The following DEFB110 variants were observed in gnomAD, a reference collection of about 807,000 sequenced individuals.
DEFB110 encodes beta-defensin 110.
DEFB110 carries 4 observed loss-of-function variants against 2.5 expected under a neutral mutation model. The observed-to-expected ratio is 1.60, with a 90% confidence interval of 0.79 to 3.66. DEFB110 has a LOEUF of 3.66. Ranked by LOEUF, DEFB110 falls within the 30% of genes most tolerant of loss-of-function variation. The pLI, the probability that DEFB110 is intolerant of heterozygous loss-of-function variation, is 0.01. For missense variants in DEFB110, 94 were observed against 75.4 expected, an observed-to-expected ratio of 1.25 and a Z score of -0.91; for synonymous variants, 29 against 21.8, an observed-to-expected ratio of 1.33 and a Z score of -0.92.
chr6:50,017,777 C>T (rs1451709183), downstream of DEFB110, among the ~76,000 whole-genome samples: 1 of 151,656 alleles, frequency 6.6e-6, no homozygotes, highest in Non-Finnish European at 1.5e-5. Flanking sequence ...AATCTCATAT[C>T]TGCATTTGAA....
intron 1 of DEFB110, among the ~76,000 whole-genome samples, chr6:50,012,806 G>T (rs1317281706): frequency 6.6e-6 from 1 of 151,882 alleles, no homozygotes; most frequent in South Asian, 2.1e-4. Context: ...TCCTGTGATA[G>T]GTGGGGACAA....
intron 1 of DEFB110, among the ~76,000 whole-genome samples, chr6:50,010,526 T>A (rs1311455937): frequency 6.7e-6 from 1 of 148,158 alleles, no homozygotes; most frequent in African/African-American, 2.5e-5. Context: ...AACATGTTAA[T>A]ATATATATAT....
chr6:50,018,564 G>T (rs1220534082), downstream of DEFB110, among the ~76,000 whole-genome samples: 2 of 151,878 alleles, frequency 1.3e-5, no homozygotes, highest in African/African-American at 2.4e-5. Flanking sequence ...TTACGTGGGG[G>T]TAATCTGTGG....
chr6:50,019,600 G>T (rs1483128490), intron 1 of DEFB110, among the ~76,000 whole-genome samples: 1 of 151,906 alleles, frequency 6.6e-6, no homozygotes, highest in Non-Finnish European at 1.5e-5. Flanking sequence ...CTAAATTCCT[G>T]CAACTCCCCT....
intron 1 of DEFB110, among the ~76,000 whole-genome samples, chr6:50,013,125 TC>T (rs1487971446): frequency 6.6e-6 from 1 of 151,808 alleles, no homozygotes; most frequent in African/African-American, 2.4e-5. Flanking sequence ...CAATAACTCT[TC>T]CCATTTCATA....
At chr6:50,014,801 C>G (rs1367917795), downstream of DEFB110, among the ~76,000 whole-genome samples, 1 of 151,744 alleles carries the variant, frequency 6.6e-6, no homozygotes, top group East Asian at 1.9e-4. Flanking sequence ...ACCTGCCAAT[C>G]AGCAACTGCA....
rs181963735 is a variant in DEFB110 at position 50,011,134 on chromosome 6, G to A, written c.56-1863C>T. ...TTATGAATGAAAATAACATCCCTTT[G>A]TATTGTTATGAAAATTGATACGTAT... is the stretch of plus-strand genomic sequence containing the variant. On this transcript the variant is annotated intron_variant, in intron 1 of 1. Coordinates refer to the DEFB110 transcript ENST00000393660. Among the ~76,000 whole-genome samples, 524 of 151,136 alleles carry A rather than the reference G, an allele frequency of 3.5e-3. 5 individuals are homozygous for A. The highest frequency in any genetic ancestry group is 0.012 in the African/African-American group (504 of 41,280).
intron 1 of DEFB110, among the ~76,000 whole-genome samples, chr6:50,020,630 T>C (rs144053208): frequency 1.3e-5 from 2 of 152,330 alleles, no homozygotes; most frequent in East Asian, 1.9e-4. Context: ...TGAGTAGTAA[T>C]ACCTGTTAGC....
intron 1 of DEFB110, among the ~76,000 whole-genome samples, chr6:50,011,316 T>G (rs991150427): frequency 4.6e-5 from 7 of 152,024 alleles, no homozygotes; most frequent in Non-Finnish European, 5.9e-5. Flanking sequence ...ACAAATTGTT[T>G]GGAGGAAAGA....
intron 1 of DEFB110, among the ~76,000 whole-genome samples, chr6:50,011,262 A>T (rs1224698244): frequency 6.6e-6 from 1 of 151,922 alleles, no homozygotes; most frequent in Non-Finnish European, 1.5e-5. Flanking sequence ...TAAGTGCATG[A>T]GTATTTATGT....
At chr6:50,020,070 A>C (rs992890014) in intron 1 of DEFB110, among the ~76,000 whole-genome samples, 5 of 152,312 alleles carry the variant, frequency 3.3e-5, no homozygotes, top group Non-Finnish European at 5.9e-5. Context: ...CAATCATGAA[A>C]GAATGGGTGA....
At chr6:50,019,517 T>C (rs1487595546) in intron 1 of DEFB110, among the ~76,000 whole-genome samples, 1 of 152,102 alleles carries the variant, frequency 6.6e-6, no homozygotes, top group African/African-American at 2.4e-5. Flanking sequence ...GAATTCTTCT[T>C]CAAGTGATTT....
At chr6:50,016,950 G>A (rs1478886927), downstream of DEFB110, among the ~76,000 whole-genome samples, 2 of 151,496 alleles carry the variant, frequency 1.3e-5, no homozygotes, top group East Asian at 3.9e-4. Context: ...GTGCAGAGAC[G>A]CCTCACATGT....
chr6:50,020,253 G>A (rs1470551932), intron 1 of DEFB110, among the ~76,000 whole-genome samples: 3 of 151,988 alleles, frequency 2.0e-5, no homozygotes, highest in Non-Finnish European at 4.4e-5. Context: ...ACTCTCACTA[G>A]AAGTTTCTTA....
intron 1 of DEFB110, among the ~76,000 whole-genome samples, chr6:50,010,645 T>A (rs937397764): frequency 6.6e-6 from 1 of 151,388 alleles, no homozygotes; most frequent in African/African-American, 2.4e-5. Context: ...TTTTAGTGAA[T>A]GGTAAACTAA....
chr6:50,009,419 T>G, intron 1 of DEFB110: 1 of 765,292 alleles, frequency 1.3e-6, no homozygotes, highest in Non-Finnish European at 2.0e-6. Context: ...GTAGCAGAAT[T>G]TATGAATCAT....
At chr6:50,020,216 T>A (rs2113943237) in intron 1 of DEFB110, among the ~76,000 whole-genome samples, 1 of 152,062 alleles carries the variant, frequency 6.6e-6, no homozygotes, top group South Asian at 2.1e-4. Context: ...TAAGAAAAGA[T>A]ATGTTTTTTT....
chr6:50,018,005 T>C (rs1325741188), downstream of DEFB110, among the ~76,000 whole-genome samples: 1 of 151,984 alleles, frequency 6.6e-6, no homozygotes, highest in Non-Finnish European at 1.5e-5. Context: ...TGTTGTGGTA[T>C]TGACAATGTT....
chr6:50,010,855 A>G (rs1452687555), intron 1 of DEFB110, among the ~76,000 whole-genome samples: 7 of 151,850 alleles, frequency 4.6e-5, no homozygotes, highest in African/African-American at 9.6e-5. Flanking sequence ...TAAAACCACC[A>G]AAGTCTATGG....
Sources: allele counts gnomAD v4.1 joint callset (sites outside exome capture counted in the v4.1 genomes callset), GRCh38; gene constraint gnomAD v4.1.1; transcripts MANE v1.5; gene names NCBI Gene and HGNC (gene_info 2026-07-23, HGNC 2026-07-21).